Variants in DPP6 observed in about 807,000 individuals in gnomAD.
DPP6 encodes A-type potassium channel modulatory protein DPP6.
A neutral mutation model predicts 122.6 loss-of-function variants in DPP6; 69 were observed. The ratio of observed to expected loss-of-function variants is 0.56; its 90% CI spans 0.46 to 0.69. The LOEUF (loss-of-function observed/expected upper bound fraction) is 0.69. Among genes scored for constraint, DPP6 ranks in the 30% least tolerant of loss-of-function variants. The probability of loss-of-function intolerance (pLI) is 0.00; values close to 1 mark genes in which losing one functional copy is unlikely to be tolerated. For synonymous variants in DPP6, 418 were observed against 433.1 expected (o/e 0.97, Z 0.43); for missense variants, 928 against 1,116.9 (o/e 0.83, Z 2.41).
the DPP6 span, among the ~76,000 whole-genome samples, chr7:153,785,059 G>T: frequency 1.0e-3 from 155 of 152,010 alleles, 2 homozygotes; most frequent in Non-Finnish European, 3.7e-4. Context: ...TAGATTATAG[G>T]GTTTTCTTGT....
chr7:154,816,048 T>C (rs1029480878), intron 16 of DPP6, among the ~76,000 whole-genome samples: 3 of 151,964 alleles, frequency 2.0e-5, no homozygotes, highest in African/African-American at 7.3e-5. Flanking sequence ...GTAAGGGAGG[T>C]CTATGGAGTA....
At chr7:154,368,212 C>T (rs964054479) in intron 1 of DPP6, among the ~76,000 whole-genome samples, 16 of 152,158 alleles carry the variant, frequency 1.1e-4, no homozygotes, top group Non-Finnish European at 1.9e-4. Context: ...TGAAGTCAGC[C>T]GACTACTGCG....
chr7:154,123,767 C>T (rs1275093995), intron 1 of DPP6, among the ~76,000 whole-genome samples: 1 of 118,904 alleles, frequency 8.4e-6, no homozygotes, highest in Admixed American at 8.2e-5. Flanking sequence ...CCTGGGGACA[C>T]TCACTATGAT....
intron 1 of DPP6, among the ~76,000 whole-genome samples, chr7:154,409,649 A>G (rs953160940): frequency 1.3e-5 from 2 of 152,132 alleles, no homozygotes; most frequent in Admixed American, 6.5e-5. Flanking sequence ...ATTTTTGGGC[A>G]CTTTTCTGAT....
At chr7:153,825,943 T>G in the DPP6 span, among the ~76,000 whole-genome samples, 1 of 152,190 alleles carries the variant, frequency 6.6e-6, no homozygotes, top group Non-Finnish European at 1.5e-5. Context: ...CAAATAAAAT[T>G]GTCTTCATTT....
intron 1 of DPP6, among the ~76,000 whole-genome samples, chr7:154,066,080 G>A (rs1340752349): frequency 6.7e-6 from 1 of 148,694 alleles, no homozygotes; most frequent in Non-Finnish European, 1.5e-5. Flanking sequence ...TTTAATTTGG[G>A]ACAGAGTCTC....
At position 154,868,229 on chromosome 7, in the gene DPP6, C is replaced by T. The variant is rs1245881448; in HGVS notation, c.1813+136C>T. Reference sequence around the variant, plus strand: ...GGGGTGTATCTTTGCCCCTCAGCTCCTCTGGCATGGAGTGTCTTGTGTTCA... The same window carrying T: ...GGGGTGTATCTTTGCCCCTCAGCTCTTCTGGCATGGAGTGTCTTGTGTTCA... On this transcript the variant is annotated intron_variant, in intron 18 of 25. Coordinates refer to ENST00000377770, the MANE Select transcript of DPP6 (RefSeq NM_130797.4). 1.1e-5 allele frequency: 13 copies of T among 1,216,930 alleles called. No homozygotes were observed. The Admixed American group carries it at 3.6e-4, about 34-fold the overall frequency. 75.4% of individuals were successfully genotyped at this position (1,216,930 alleles called of 1,614,324 possible).
the DPP6 span, among the ~76,000 whole-genome samples, chr7:153,785,949 G>T: frequency 6.7e-6 from 1 of 149,132 alleles, no homozygotes; most frequent in Non-Finnish European, 1.5e-5. Flanking sequence ...TTCTTCTAAT[G>T]GAAATAAATA....
At chr7:154,159,817 A>C (rs1338639767) in intron 1 of DPP6, among the ~76,000 whole-genome samples, 1 of 152,128 alleles carries the variant, frequency 6.6e-6, no homozygotes, top group Non-Finnish European at 1.5e-5. Flanking sequence ...CAGATTAAAA[A>C]ACATCAGATG....
chr7:154,796,537 C>T (rs962918314), intron 12 of DPP6, among the ~76,000 whole-genome samples: 1 of 152,226 alleles, frequency 6.6e-6, no homozygotes, highest in East Asian at 1.9e-4. Context: ...TCTCATTCCA[C>T]ACTCTGACAC....
chr7:154,828,435 C>T (rs1011857952), intron 16 of DPP6, among the ~76,000 whole-genome samples: 2 of 152,122 alleles, frequency 1.3e-5, no homozygotes, highest in African/African-American at 2.4e-5. Context: ...TGTCACCAAG[C>T]GTGCAGCCAC....
chr7:154,339,280 C>G (rs535226974), intron 1 of DPP6, among the ~76,000 whole-genome samples: 2 of 152,166 alleles, frequency 1.3e-5, no homozygotes, highest in Non-Finnish European at 2.9e-5. Flanking sequence ...GTGAGGAACC[C>G]CAGAGGACAG....
At chr7:154,501,524 A>G (rs2151412792) in intron 3 of DPP6, among the ~76,000 whole-genome samples, 1 of 152,278 alleles carries the variant, frequency 6.6e-6, no homozygotes, top group East Asian at 1.9e-4. Context: ...AAATGGCCCA[A>G]GTTAGAGTTT....
chr7:154,452,781 C>T (rs1231624456), intron 2 of DPP6, among the ~76,000 whole-genome samples: 1 of 152,190 alleles, frequency 6.6e-6, no homozygotes, highest in Non-Finnish European at 1.5e-5. Context: ...TCACTCTGAA[C>T]AACAAGGCAT....
intron 1 of DPP6, among the ~76,000 whole-genome samples, chr7:154,176,397 T>C (rs923635634): frequency 6.6e-6 from 1 of 152,206 alleles, no homozygotes; most frequent in African/African-American, 2.4e-5. Flanking sequence ...AAACAGCTGG[T>C]TGAGACCCAT....
chr7:154,342,326 T>C (rs1407053106), intron 1 of DPP6, among the ~76,000 whole-genome samples: 2 of 152,158 alleles, frequency 1.3e-5, no homozygotes, highest in Admixed American at 6.5e-5. Context: ...ACACTGGGAT[T>C]TGAGCCGGGG....
At chr7:154,031,450 G>T (rs979689796) in intron 1 of DPP6, among the ~76,000 whole-genome samples, 2 of 151,830 alleles carry the variant, frequency 1.3e-5, no homozygotes, top group African/African-American at 4.9e-5. Flanking sequence ...CAGCATGTCT[G>T]TAGGCAAAAT....
intron 5 of DPP6, among the ~76,000 whole-genome samples, chr7:154,583,174 G>A (rs7784771): frequency 0.97 from 148,473 of 152,338 alleles, 72,411 homozygotes; most frequent in African/African-American, 0.99. Context: ...GGGCTGCCAT[G>A]GCAAAATACC....
At chr7:153,995,934 T>A (rs1366452948) in intron 1 of DPP6, among the ~76,000 whole-genome samples, 1 of 152,202 alleles carries the variant, frequency 6.6e-6, no homozygotes, top group Non-Finnish European at 1.5e-5. Context: ...ACCAAGCTAT[T>A]TATGTTATAC....
Sources: gnomAD v4.1 joint callset for allele counts (sites outside exome capture counted in the v4.1 genomes callset) on GRCh38, gnomAD v4.1.1 for gene constraint, MANE v1.5 for transcripts, NCBI Gene and HGNC (gene_info 2026-07-23, HGNC 2026-07-21) for gene names.